The following AXDND1 variants were observed in gnomAD, a reference collection of about 807,000 sequenced individuals.
AXDND1 encodes axonemal dynein light chain domain-containing protein 1.
Under a neutral mutation model 137.5 loss-of-function variants are expected in AXDND1, and 110 were observed. That is an observed-to-expected ratio of 0.80 (90% CI 0.69 to 0.94). AXDND1 has a LOEUF of 0.94. Ranked by LOEUF, AXDND1 falls within the 40% of genes least tolerant of loss-of-function variation. AXDND1 has a pLI of 0.00. For synonymous variants in AXDND1, 414 were observed against 399.7 expected (o/e 1.04, Z -0.43); for missense variants, 1,191 against 1,169.8 (o/e 1.02, Z -0.26).
intron 12 of AXDND1, among the ~76,000 whole-genome samples, chr1:179,420,921 C>T (rs775144832): frequency 1.1e-4 from 16 of 152,068 alleles, no homozygotes; most frequent in Non-Finnish European, 2.4e-4. Flanking sequence ...ATGTCCAGCC[C>T]TAGGTTTTCC....
At chr1:179,394,074 C>A in intron 10 of AXDND1, 31 bp downstream of exon 10, 2 of 1,555,344 alleles carry the variant, frequency 1.3e-6, no homozygotes, top group South Asian at 1.2e-5. Context: ...AAACACAAAA[C>A]AAAAGTCAAT....
At chr1:179,462,969 T>G (rs201122216) in intron 16 of AXDND1, among the ~76,000 whole-genome samples, 2 of 152,192 alleles carry the variant, frequency 1.3e-5, no homozygotes, top group African/African-American at 4.8e-5. Flanking sequence ...AGTGGTGATA[T>G]CCCCTTTATC....
intron 11 of AXDND1, among the ~76,000 whole-genome samples, chr1:179,399,514 A>G (rs879517475): frequency 1.3e-5 from 2 of 152,202 alleles, no homozygotes; most frequent in Non-Finnish European, 2.9e-5. Context: ...ACATTGGCTT[A>G]GGCAAGGATT....
At chr1:179,536,272 A>T (rs1671550804) in intron 25 of AXDND1, among the ~76,000 whole-genome samples, 1 of 152,150 alleles carries the variant, frequency 6.6e-6, no homozygotes. Flanking sequence ...TGTTTTAGTC[A>T]TGAAGTCTTT....
At chr1:179,388,596 A>AT (rs34536914) in intron 9 of AXDND1, among the ~76,000 whole-genome samples, 54,952 of 149,016 alleles carry the variant, frequency 0.37, 10,354 homozygotes, top group Non-Finnish European at 0.41. Context: ...CCCCTAAGAG[A>AT]TTTTTTTTTT....
intron 20 of AXDND1, among the ~76,000 whole-genome samples, chr1:179,498,025 A>G (rs534144523): frequency 6.6e-6 from 1 of 152,334 alleles, no homozygotes; most frequent in South Asian, 2.1e-4. Context: ...AAATTAATGG[A>G]AAAACATTTC....
At chr1:179,544,251 C>T (rs1408381577) in intron 25 of AXDND1, 4 of 152,198 alleles carry the variant, frequency 2.6e-5, no homozygotes, top group Non-Finnish European at 5.9e-5. Context: ...GTTTGTTAGC[C>T]TCTTCAATTG....
chr1:179,490,993 G>A (rs1666823788), intron 18 of AXDND1, among the ~76,000 whole-genome samples: 1 of 152,138 alleles, frequency 6.6e-6, no homozygotes, highest in African/African-American at 2.4e-5. Context: ...TTTGAGAATT[G>A]TAGGTTCTCA....
intron 6 of AXDND1, among the ~76,000 whole-genome samples, chr1:179,380,093 C>CA (rs1376761946): frequency 6.6e-6 from 1 of 151,330 alleles, no homozygotes; most frequent in Non-Finnish European, 1.5e-5. Flanking sequence ...ACTAAAAATA[C>CA]AAAAAAATAG....
chr1:179,489,190 A>G (rs1200544034), intron 18 of AXDND1, among the ~76,000 whole-genome samples: 4 of 152,202 alleles, frequency 2.6e-5, no homozygotes, highest in Admixed American at 6.5e-5. Flanking sequence ...CAGTAAATCT[A>G]TATTTTAGCA....
intron 9 of AXDND1, among the ~76,000 whole-genome samples, chr1:179,392,726 A>G (rs1228099245): frequency 6.6e-6 from 1 of 152,052 alleles, no homozygotes; most frequent in African/African-American, 2.4e-5. Context: ...ATAATTAGTG[A>G]TGTTGAGTAT....
chr1:179,445,349 A>G (rs975698449), intron 16 of AXDND1, 145 bp downstream of exon 16: 3 of 599,634 alleles, frequency 5.0e-6, no homozygotes, highest in Non-Finnish European at 8.4e-6. Context: ...ATTGAGCATC[A>G]CTTTGAGATA....
intron 16 of AXDND1, among the ~76,000 whole-genome samples, chr1:179,462,307 A>G (rs910631573): frequency 6.6e-6 from 1 of 152,018 alleles, no homozygotes; most frequent in Non-Finnish European, 1.5e-5. Flanking sequence ...AGATAATCAT[A>G]TAGTTTTTGT....
At chr1:179,417,527 A>T (rs1023657522) in intron 12 of AXDND1, among the ~76,000 whole-genome samples, 8 of 152,186 alleles carry the variant, frequency 5.3e-5, no homozygotes, top group African/African-American at 1.9e-4. Flanking sequence ...ATTTTTGTAT[A>T]TGGTGAGAAA....
chr1:179,414,511 G>A (rs541647557), intron 12 of AXDND1, among the ~76,000 whole-genome samples: 17 of 151,982 alleles, frequency 1.1e-4, no homozygotes, highest in East Asian at 3.9e-4. Context: ...TGCAGGCTCC[G>A]CCCCCTGGGG....
chr1:179,451,409 T>A (rs2125397261), intron 16 of AXDND1: 1 of 152,324 alleles, frequency 6.6e-6, no homozygotes, highest in Middle Eastern at 3.4e-3. Flanking sequence ...CCTACAACTT[T>A]TAAGTTTCTG....
At chr1:179,548,643 AGT>A (rs1672865229) in intron 25 of AXDND1, 1 of 152,268 alleles carries the variant, frequency 6.6e-6, no homozygotes, top group African/African-American at 2.4e-5. Context: ...AGAACATTGT[AGT>A]GGCCAGGAAC....
rs143875586 is a variant in AXDND1, at chr1:179,394,360, G to A, written c.1004+317G>A. Among the ~76,000 whole-genome samples, 466 of 152,184 alleles carry A rather than the reference G, an allele frequency of 3.1e-3. 3 individuals are homozygous for A. Among genetic ancestry groups the A allele is most frequent in the African/African-American group, 0.01 (431 of 41,536 alleles). ...TCCCAGCACTTTGGGAGGCTGAGGC[G>A]GGAGGATCACTTGAGGTCAGGAGTT... On this transcript the variant is annotated intron_variant, in intron 10 of 25. Coordinates refer to ENST00000367618, the MANE Select transcript of AXDND1 (RefSeq NM_144696.6).
Position 179,491,565 on chromosome 1 carries a change from C to T in AXDND1, c.2119C>T (p.Gln707Ter). The change falls in exon 19 of 26, where the codon CAG (glutamine) becomes TAG (stop). Residue 707 changes from glutamine (Q) to a stop codon, truncating the protein, a stop_gained. Transcript: ENST00000367618. LOFTEE classifies it high-confidence loss of function. ...HMDELHISMIQWMVNLLILMI... is the reference protein window; with the variant it reads ...HMDELHISMI ...GGATGAGTTACATATATCTATGATC[C>T]AGTGGATGGTAAACTTGCTGATTTT... 2.5e-6 allele frequency: 4 copies of T among 1,609,524 alleles called. No homozygotes were observed. Among genetic ancestry groups the T allele is most frequent in the Non-Finnish European group, 3.4e-6 (4 of 1,176,124 alleles).
Sources: allele counts gnomAD v4.1 joint callset (sites outside exome capture counted in the v4.1 genomes callset), GRCh38; gene constraint gnomAD v4.1.1; transcripts MANE v1.5; gene names NCBI Gene and HGNC (gene_info 2026-07-23, HGNC 2026-07-21).